SNTG2: variants seen among roughly 807,000 people sequenced by gnomAD.
SNTG2 encodes syntrophin gamma 2.
A neutral mutation model predicts 70.9 loss-of-function variants in SNTG2; 74 were observed. The ratio of observed to expected loss-of-function variants is 1.04; its 90% CI spans 0.86 to 1.27. SNTG2 has a LOEUF of 1.27. SNTG2 is among the 50% of genes most tolerant of loss of function. The pLI is 0.00. For synonymous variants in SNTG2, 278 were observed against 273.8 expected (o/e 1.02, Z -0.15); for missense variants, 717 against 690.7 (o/e 1.04, Z -0.43).
intron 2 of SNTG2, among the ~76,000 whole-genome samples, chr2:1,090,118 C>T (rs1458336320): frequency 2.0e-5 from 3 of 152,086 alleles, no homozygotes; most frequent in Non-Finnish European, 2.9e-5. Context: ...ATTTTGCAAA[C>T]GTTATGCTTT....
At position 1,334,602 on chromosome 2, in the gene SNTG2, TACTC is replaced by T. The variant is rs1274483921; in HGVS notation, c.1488+18229_1488+18232del. On this transcript the variant is annotated intron_variant, in intron 16 of 16. Transcript: ENST00000308624. Reference sequence around the variant, plus strand: ...ATGGTACATATACTCCATGGAATATTACTCAACCATACAAAGGAACAAAATAATG... The same window carrying T: ...ATGGTACATATACTCCATGGAATATTAACCATACAAAGGAACAAAATAATG... 1.5e-4 allele frequency among the ~76,000 whole-genome samples: 23 copies of T among 152,338 alleles called. No individual in the cohort carries two copies. The South Asian group carries it at 2.5e-3, about 16-fold the overall frequency.
chr2:1,299,098 A>G (rs1680340008), intron 14 of SNTG2, among the ~76,000 whole-genome samples: 1 of 152,206 alleles, frequency 6.6e-6, no homozygotes, highest in African/African-American at 2.4e-5. Flanking sequence ...GTCTGTCTAG[A>G]GAACCCTGAC....
intron 4 of SNTG2, among the ~76,000 whole-genome samples, chr2:1,113,537 T>G (rs1037842645): frequency 1.3e-5 from 2 of 151,826 alleles, no homozygotes; most frequent in Admixed American, 6.6e-5. Flanking sequence ...GTACTGAGGT[T>G]TAACCCTTAC....
chr2:1,077,009 T>C (rs1202024144), intron 1 of SNTG2, among the ~76,000 whole-genome samples: 2 of 152,242 alleles, frequency 1.3e-5, no homozygotes, highest in Non-Finnish European at 2.9e-5. Flanking sequence ...CATACTCTTC[T>C]GCTTTTCACA....
intron 12 of SNTG2, among the ~76,000 whole-genome samples, chr2:1,252,750 C>A (rs779381648): frequency 6.6e-6 from 1 of 152,164 alleles, no homozygotes. Flanking sequence ...CATATTTGCA[C>A]TCCAGCCTGG....
intron 1 of SNTG2, among the ~76,000 whole-genome samples, chr2:1,073,289 T>C (rs1274225922): frequency 6.6e-5 from 10 of 152,186 alleles, no homozygotes; most frequent in African/African-American, 1.9e-4. Context: ...CACACTTCAA[T>C]GTTGTCTTAT....
chr2:961,342 G>C (rs1044015213), intron 1 of SNTG2, among the ~76,000 whole-genome samples: 14 of 152,152 alleles, frequency 9.2e-5, no homozygotes, highest in Admixed American at 8.5e-4. Flanking sequence ...TTTTAGTAGA[G>C]ATGGGGTTTC....
At chr2:1,146,677 G>A (rs564280187) in intron 6 of SNTG2, among the ~76,000 whole-genome samples, 4 of 152,346 alleles carry the variant, frequency 2.6e-5, no homozygotes, top group Non-Finnish European at 4.4e-5. Flanking sequence ...AGACAGTGTG[G>A]TATTGGTGCA....
intron 16 of SNTG2, among the ~76,000 whole-genome samples, chr2:1,340,139 G>A (rs549732738): frequency 6.6e-6 from 1 of 152,340 alleles, no homozygotes; most frequent in Non-Finnish European, 1.5e-5. Flanking sequence ...AAAAACTGGA[G>A]CTAACAATTA....
intron 1 of SNTG2, among the ~76,000 whole-genome samples, chr2:1,052,250 T>C (rs942578673): frequency 6.6e-6 from 1 of 152,182 alleles, no homozygotes; most frequent in Admixed American, 6.5e-5. Flanking sequence ...GGCCCAGAGC[T>C]TACTTTGTGA....
At chr2:1,332,640 C>T (rs1659594344) in intron 16 of SNTG2, among the ~76,000 whole-genome samples, 1 of 152,054 alleles carries the variant, frequency 6.6e-6, no homozygotes, top group South Asian at 2.1e-4. Flanking sequence ...ACTGAGGATG[C>T]AGGGATGGTT....
At chr2:993,196 G>A (rs1324183397) in intron 1 of SNTG2, among the ~76,000 whole-genome samples, 1 of 149,836 alleles carries the variant, frequency 6.7e-6, no homozygotes, top group Non-Finnish European at 1.5e-5. Flanking sequence ...TCTAGCATTA[G>A]GTATATCTCC....
chr2:1,230,132 A>G (rs1159541002), intron 9 of SNTG2, among the ~76,000 whole-genome samples: 1 of 152,234 alleles, frequency 6.6e-6, no homozygotes, highest in African/African-American at 2.4e-5. Context: ...GAGGGCTGTG[A>G]GTACTGCCAG....
chr2:1,191,113 C>G (rs1301925128), intron 8 of SNTG2, among the ~76,000 whole-genome samples: 2 of 152,092 alleles, frequency 1.3e-5, no homozygotes, highest in Non-Finnish European at 2.9e-5. Flanking sequence ...CTTCAGGGCC[C>G]CTTAATTGCA....
chr2:1,312,837 G>C (rs1681074008), intron 15 of SNTG2, among the ~76,000 whole-genome samples: 1 of 152,194 alleles, frequency 6.6e-6, no homozygotes, highest in Admixed American at 6.5e-5. Context: ...GGTTGATGGA[G>C]AGGAACAAAA....
At chr2:1,009,897 G>A (rs182377279) in intron 1 of SNTG2, among the ~76,000 whole-genome samples, 34 of 152,188 alleles carry the variant, frequency 2.2e-4, no homozygotes, top group Admixed American at 2.0e-3. Flanking sequence ...ATTTGTAAAC[G>A]AATCAGAAGT....
intron 16 of SNTG2, among the ~76,000 whole-genome samples, chr2:1,359,830 T>A (rs1342258259): frequency 2.0e-5 from 3 of 152,224 alleles, no homozygotes; most frequent in Admixed American, 2.0e-4. Context: ...AACTAATCTT[T>A]ATTTTATTTC....
chr2:1,264,804 C>T (rs1678634232), intron 13 of SNTG2, among the ~76,000 whole-genome samples: 1 of 152,110 alleles, frequency 6.6e-6, no homozygotes, highest in Non-Finnish European at 1.5e-5. Flanking sequence ...CCAGTGATGC[C>T]CCTGCCTCAG....
chr2:1,057,294 G>C (rs1167598930), intron 1 of SNTG2, among the ~76,000 whole-genome samples: 3 of 152,054 alleles, frequency 2.0e-5, no homozygotes, highest in East Asian at 3.9e-4. Flanking sequence ...TCATATTCCT[G>C]ATTCTCTTCT....
Sources: allele counts gnomAD v4.1 joint callset (sites outside exome capture counted in the v4.1 genomes callset), GRCh38; gene constraint gnomAD v4.1.1; transcripts MANE v1.5; gene names NCBI Gene and HGNC (gene_info 2026-07-23, HGNC 2026-07-21).